Variants in CSNK1E observed in about 807,000 individuals in gnomAD.
The protein encoded by CSNK1E is casein kinase 1 epsilon, also known as casein kinase I isoform epsilon.
A neutral mutation model predicts 46.1 loss-of-function variants in CSNK1E; 17 were observed. That is an observed-to-expected ratio of 0.37 (90% CI 0.25 to 0.55). The LOEUF (loss-of-function observed/expected upper bound fraction) is 0.55. Among genes scored for constraint, CSNK1E ranks in the 20% least tolerant of loss-of-function variants. CSNK1E has a pLI of 0.82. For missense variants in CSNK1E, 386 were observed against 595.4 expected (o/e 0.65, Z 3.66); for synonymous variants, 241 against 242.6 (o/e 0.99, Z 0.06).
In CSNK1E at chr22:38,298,365, A is replaced by T. The variant is rs1314535969; in HGVS notation, c.885+421T>A. Among the ~76,000 whole-genome samples the T allele has an allele frequency of 1.3e-5, 2 of 152,070 alleles. No homozygotes were observed. Among genetic ancestry groups the T allele is most frequent in the South Asian group, 2.1e-4 (1 of 4,824 alleles). On this transcript the variant is annotated intron_variant, in intron 7 of 10. Transcript: ENST00000396832. This position sits in a 1 kb window ranked among gnomAD's most constrained non-coding sequence, Gnocchi z 4.2. The stretch of plus-strand genomic sequence containing the variant: ...CAGACCCAGGGGCCCATGACCAAGA[A>T]GAAAGCAAGCACCATGACTGGGTCC...
Position 38,302,856 on chromosome 22 carries a change from C to T in CSNK1E, c.336+5G>A. On this transcript the variant is annotated splice_donor_5th_base_variant and intron_variant, in intron 4 of 10. Coordinates refer to ENST00000396832, the MANE Select transcript of CSNK1E (RefSeq NM_152221.3). ...TGGCTGGGGATGGAGGGGACGGGGA[C>T]TCACCATCTGGTCGGCCAAGAGCAG... is the stretch of plus-strand genomic sequence containing the variant. 6.2e-7 allele frequency: 1 copy of T among 1,614,028 alleles called. No homozygotes were observed. Among genetic ancestry groups the T allele is most frequent in the Non-Finnish European group, 8.5e-7 (1 of 1,179,974 alleles).
intron 7 of CSNK1E, chr22:38,295,437 G>T: frequency 1.0e-6 from 1 of 978,376 alleles, no homozygotes; most frequent in African/African-American, 1.7e-5. Flanking sequence ...CTGGCAGGAA[G>T]GGGGCCGCAT....
chr22:38,300,884 G>A lies in CSNK1E; in HGVS notation c.405C>T (p.Leu135=), dbSNP rs766889514. The stretch of plus-strand genomic sequence containing the variant: ...GGTTGCCCTTCTTCCCCAGCCCCAT[G>A]AGGAAGTTGTCGGGCTTGACGTCCC... ...IHRDVKPDNF[L]MGLGKKGNLV... The change falls in exon 5 of 11, where the codon CTC becomes CTT. Residue 135 remains leucine (L), a synonymous_variant. Transcript: ENST00000396832. This position sits in a 1 kb window ranked among gnomAD's most constrained non-coding sequence, Gnocchi z 4.4. 6.2e-7 allele frequency: 1 copy of A among 1,614,236 alleles called. No homozygotes were observed. The highest frequency in any genetic ancestry group is 8.5e-7 in the Non-Finnish European group (1 of 1,180,044).
intron 2 of CSNK1E, among the ~76,000 whole-genome samples, chr22:38,305,121 CAAAAAAAA>C (rs33987200): frequency 1.5e-4 from 8 of 52,846 alleles, no homozygotes; most frequent in East Asian, 1.2e-3. Context: ...AACTCCAGCT[CAAAAAAAA>C]AAAAAAAAAA....
At chr22:38,297,799 C>T in intron 7 of CSNK1E, 1 of 1,005,574 alleles carries the variant, frequency 9.9e-7, no homozygotes, top group South Asian at 4.0e-5. Flanking sequence ...GTGCTGCCAT[C>T]TCTTGGGAAC....
At chr22:38,293,803 C>G (rs1190189601) in intron 9 of CSNK1E, 1 of 466,194 alleles carries the variant, frequency 2.1e-6, no homozygotes, top group Non-Finnish European at 3.8e-6. Context: ...CAGGGAGCAG[C>G]AACACCTCAT....
chr22:38,305,214 T>TTTAA (rs1263421772), intron 2 of CSNK1E, among the ~76,000 whole-genome samples: 1 of 150,482 alleles, frequency 6.6e-6, no homozygotes, highest in African/African-American at 2.4e-5. Context: ...ACAATACAGA[T>TTTAA]TTAAACACGA....
At chr22:38,292,869 C>A in intron 10 of CSNK1E, 1 of 246,850 alleles carries the variant, frequency 4.1e-6, no homozygotes, top group South Asian at 4.4e-5. Flanking sequence ...CAGGAATTAA[C>A]TTGCGTAACA....
At chr22:38,292,567 T>C (rs1410568949) in intron 10 of CSNK1E, 3 of 152,348 alleles carry the variant, frequency 2.0e-5, no homozygotes, top group Non-Finnish European at 2.9e-5. Flanking sequence ...CACACACAGA[T>C]TGTCCCAGTG....
chr22:38,305,525 C>T (rs1002564432), intron 2 of CSNK1E, among the ~76,000 whole-genome samples: 1 of 148,960 alleles, frequency 6.7e-6, no homozygotes, highest in Non-Finnish European at 1.5e-5. Flanking sequence ...AAGAGACATA[C>T]TCACTTGCAA....
chr22:38,301,458 A>C (rs6001091), intron 4 of CSNK1E, among the ~76,000 whole-genome samples: 5,186 of 151,312 alleles, frequency 0.034, 263 homozygotes, highest in African/African-American at 0.12. Flanking sequence ...TTTGAGATGG[A>C]GTCTCGGTCT....
intron 7 of CSNK1E, chr22:38,296,529 G>C: frequency 1.9e-6 from 3 of 1,605,408 alleles, no homozygotes; most frequent in East Asian, 2.2e-5. Context: ...GCTGGAGGTG[G>C]TTCAGCTCAC....
At chr22:38,308,329 G>A (rs116448061) in intron 2 of CSNK1E, among the ~76,000 whole-genome samples, 268 of 152,228 alleles carry the variant, frequency 1.8e-3, no homozygotes, top group African/African-American at 6.2e-3. Context: ...ATCAATGCTC[G>A]TCACTGGGAT....
intron 2 of CSNK1E, among the ~76,000 whole-genome samples, chr22:38,312,797 G>C (rs560169711): frequency 2.0e-5 from 3 of 152,206 alleles, no homozygotes; most frequent in Non-Finnish European, 4.4e-5. Flanking sequence ...CAGAGGAGCT[G>C]CATGACCTTC....
rs1205398165 is a variant in CSNK1E, at chr22:38,294,886, CTG to C, written c.886-354_886-353del. On this transcript the variant is annotated intron_variant, in intron 7 of 10. Coordinates refer to ENST00000396832, the MANE Select transcript of CSNK1E (RefSeq NM_152221.3). The surrounding 1 kb of genome is among the most constrained non-coding windows in gnomAD (Gnocchi z 5.5). ...GGGCTGGGCCTGCCCTGGCCCCCCT[CTG>C]TGTACCAAGAGCCCTTAACTACTCA... Among the ~76,000 whole-genome samples the C allele has an allele frequency of 6.6e-6, 1 of 152,198 alleles. No individual in the cohort carries two copies. The highest frequency in any genetic ancestry group is 1.5e-5 in the Non-Finnish European group (1 of 68,026).
At chr22:38,293,344 G>C (rs1207549173) in intron 9 of CSNK1E, 25 bp from the exon 10 acceptor site, 4 of 1,485,862 alleles carry the variant, frequency 2.7e-6, no homozygotes, top group East Asian at 2.3e-5. Flanking sequence ...GAGGGAGAGA[G>C]GGGGAGGGAG....
chr22:38,295,232 G>A (rs761333381), intron 7 of CSNK1E, among the ~76,000 whole-genome samples: 1 of 152,222 alleles, frequency 6.6e-6, no homozygotes, highest in African/African-American at 2.4e-5. Flanking sequence ...CGTTCCCCAC[G>A]GAGGAAGAAG....
Position 38,298,833 on chromosome 22 carries a change from G to T in CSNK1E, c.838C>A (p.Gln280Lys). Residue 280 changes from glutamine to lysine, a missense_variant, in exon 7 of 11, where the codon CAG becomes AAG. Around this residue, in one of 2 missense-constraint regions of CSNK1E, gnomAD observed 212 missense variants for 410.2 expected, o/e 0.52. Coordinates refer to ENST00000396832, the MANE Select transcript of CSNK1E (RefSeq NM_152221.3). This position sits in a 1 kb window ranked among gnomAD's most constrained non-coding sequence, Gnocchi z 4.2. ...RQLFRNLFHR[Q>K]GFSYDYVFDW... is the part of the protein sequence containing the mutation. ...AAGACGTAGTCATAGGAGAAGCCCT[G>T]CCGGTGGAAGAGGTTGCGGAAGAGC... 1 of 1,614,220 alleles carries T rather than the reference G, an allele frequency of 6.2e-7. No homozygotes were observed. Among genetic ancestry groups the T allele is most frequent in the Non-Finnish European group, 8.5e-7 (1 of 1,180,032 alleles).
chr22:38,294,826 GA>G lies in CSNK1E; in HGVS notation c.886-293del, dbSNP rs1289972220. Among the ~76,000 whole-genome samples the G allele has an allele frequency of 6.6e-6, 1 of 152,178 alleles. No homozygotes were observed. Among genetic ancestry groups the G allele is most frequent in the Non-Finnish European group, 1.5e-5 (1 of 68,018 alleles). On this transcript the variant is annotated intron_variant, in intron 7 of 10. Transcript: ENST00000396832. The surrounding 1 kb of genome is among the most constrained non-coding windows in gnomAD (Gnocchi z 5.5). ...GAGAAAGGACAACTAATGCGCCCAG[GA>G]TGATCAAGAGCACCTCTTGGCCCTC...
Sources: allele counts gnomAD v4.1 joint callset (sites outside exome capture counted in the v4.1 genomes callset), GRCh38; gene constraint gnomAD v4.1.1; regional missense constraint gnomAD v4.1.1; non-coding constraint Gnocchi (gnomAD v3.1); transcripts MANE v1.5; gene names NCBI Gene and HGNC (gene_info 2026-07-23, HGNC 2026-07-21).